Variants in SLC1A1 observed in about 807,000 individuals in gnomAD.
SLC1A1 encodes the protein excitatory amino acid transporter 3.
SLC1A1 carries 43 observed loss-of-function variants against 53.3 expected under a neutral mutation model. The ratio of observed to expected loss-of-function variants is 0.81; its 90% CI spans 0.63 to 1.04. SLC1A1 has a LOEUF of 1.04. Among genes scored for constraint, SLC1A1 ranks in the 50% least tolerant of loss-of-function variants. The pLI is 0.00. For synonymous variants in SLC1A1, 307 were observed against 243.2 expected (o/e 1.26, Z -2.44); for missense variants, 748 against 664.9 (o/e 1.12, Z -1.37).
At chr9:4,525,129 G>A (rs1816213970) in intron 1 of SLC1A1, among the ~76,000 whole-genome samples, 2 of 152,116 alleles carry the variant, frequency 1.3e-5, no homozygotes, top group Non-Finnish European at 2.9e-5. Flanking sequence ...GAGTCTAAAC[G>A]AAACCTTGAC....
rs762959702 is a variant in SLC1A1 at position 4,561,471 on chromosome 9, C to T, written c.255C>T (p.Asn85=). ...CAGGTGTTGCTGCACTGGATTCCAA[C>T]GTATCCGGAAAAATTGGTCTGCGCG... is the stretch of plus-strand genomic sequence containing the variant. ...MITGVAALDS[N]VSGKIGLRAV... The change falls in exon 3 of 12, where the codon AAC becomes AAT. Residue 85 remains asparagine (N), a synonymous_variant. Transcript: ENST00000262352. 8.1e-6 allele frequency: 13 copies of T among 1,607,816 alleles called. No individual in the cohort carries two copies. Among genetic ancestry groups the T allele is most frequent in the East Asian group, 2.2e-5 (1 of 44,858 alleles).
At position 4,586,340 on chromosome 9, in the gene SLC1A1, C is replaced by T. The variant is rs1168263364; in HGVS notation, c.*782C>T. The stretch of plus-strand genomic sequence containing the variant: ...TTGAATAATAACCACGATTCCAACC[C>T]AGGTCTGCTTTGGGGCTTATCAGAA... On this transcript the variant is annotated 3_prime_UTR_variant, in exon 12 of 12. Transcript: ENST00000262352. The T allele has an allele frequency of 1.3e-5, 2 of 152,028 alleles. No individual in the cohort carries two copies. Among genetic ancestry groups the T allele is most frequent in the Non-Finnish European group, 2.9e-5 (2 of 68,016 alleles). 9.4% of individuals were successfully genotyped at this position (152,028 alleles called of 1,614,324 possible). A position where few individuals can be genotyped will look rare whatever the true frequency, so the allele number is the denominator to read the frequency against.
chr9:4,534,729 C>T (rs901340081), intron 1 of SLC1A1, among the ~76,000 whole-genome samples: 3 of 151,906 alleles, frequency 2.0e-5, no homozygotes, highest in Non-Finnish European at 4.4e-5. Flanking sequence ...CATCCTGCTA[C>T]CAAAGCCTGG....
At chr9:4,505,873 G>C (rs938026900) in intron 1 of SLC1A1, among the ~76,000 whole-genome samples, 6 of 152,154 alleles carry the variant, frequency 3.9e-5, no homozygotes, top group African/African-American at 1.4e-4. Context: ...ACCCAGAATG[G>C]AGTGCAGTGG....
In SLC1A1 at chr9:4,576,086, G is replaced by A. The variant is rs375360666; in HGVS notation, c.961G>A (p.Ala321Thr). 7.7e-5 allele frequency: 125 copies of A among 1,613,730 alleles called. No homozygotes were observed. The Middle Eastern group carries it at 9.9e-4, about 13-fold the overall frequency. Residue 321 changes from alanine (A) to threonine (T), a missense_variant, in exon 9 of 12, where the codon GCC becomes ACC. Transcript: ENST00000262352. The stretch of plus-strand genomic sequence containing the variant: ...CCCTTTCCGATTTGCCATGGGAATG[G>A]CCCAGGCTCTCCTGACAGCTCTCAT... Reference protein sequence around the residue: ...KNPFRFAMGMAQALLTALMIS... With the variant: ...KNPFRFAMGMTQALLTALMIS...
At chr9:4,510,021 A>G (rs1471790412) in intron 1 of SLC1A1, among the ~76,000 whole-genome samples, 10 of 152,086 alleles carry the variant, frequency 6.6e-5, no homozygotes, top group Admixed American at 1.3e-4. Flanking sequence ...TTTAGTAGAA[A>G]TGGGGTTTTG....
At chr9:4,571,112 T>C (rs1819993747) in intron 6 of SLC1A1, among the ~76,000 whole-genome samples, 1 of 152,150 alleles carries the variant, frequency 6.6e-6, no homozygotes, top group Non-Finnish European at 1.5e-5. Flanking sequence ...GCCATTATCC[T>C]TAGCCAACTA....
intron 2 of SLC1A1, among the ~76,000 whole-genome samples, chr9:4,550,853 G>A (rs1817871654): frequency 6.6e-6 from 1 of 152,180 alleles, no homozygotes; most frequent in Non-Finnish European, 1.5e-5. Flanking sequence ...AGGTTTTACA[G>A]GTCCTGTGTA....
intron 1 of SLC1A1, among the ~76,000 whole-genome samples, chr9:4,537,814 G>T (rs1041945942): frequency 6.6e-6 from 1 of 151,968 alleles, no homozygotes; most frequent in African/African-American, 2.4e-5. Context: ...GGAATTTTGG[G>T]GGGGTAATGG....
rs1817741632 is a variant in SLC1A1, at chr9:4,549,341, C to G, written c.232+4634C>G. 6.6e-6 allele frequency among the ~76,000 whole-genome samples: 1 copy of G among 152,114 alleles called. No homozygotes were observed. The highest frequency in any genetic ancestry group is 2.4e-5 in the African/African-American group (1 of 41,440). ...GTGACCTAAGGAGTTCCGCTCTTTG[C>G]TCCTCCATCCTAAGACAGGAGCAGA... is the stretch of plus-strand genomic sequence containing the variant. On this transcript the variant is annotated intron_variant, in intron 2 of 11. Transcript: ENST00000262352. The surrounding 1 kb of genome is among the most constrained non-coding windows in gnomAD (Gnocchi z 4.1).
At chr9:4,545,138 T>TC (rs577157508) in intron 2 of SLC1A1, among the ~76,000 whole-genome samples, 1 of 151,948 alleles carries the variant, frequency 6.6e-6, no homozygotes, top group Admixed American at 6.6e-5. Flanking sequence ...TAAAAAGCTT[T>TC]CACCTAAGTT....
At chr9:4,498,927 T>C (rs112994496) in intron 1 of SLC1A1, among the ~76,000 whole-genome samples, 3 of 147,058 alleles carry the variant, frequency 2.0e-5, no homozygotes, top group Non-Finnish European at 4.5e-5. Context: ...CATATACATA[T>C]GTATGTATTA....
intron 1 of SLC1A1, among the ~76,000 whole-genome samples, chr9:4,499,221 T>G (rs1820552546): frequency 6.6e-6 from 1 of 151,632 alleles, no homozygotes. Flanking sequence ...ATTTTTGTAT[T>G]TTTAGTAGAG....
At chr9:4,496,275 C>G (rs774597007) in intron 1 of SLC1A1, among the ~76,000 whole-genome samples, 1 of 152,024 alleles carries the variant, frequency 6.6e-6, no homozygotes, top group Non-Finnish European at 1.5e-5. Flanking sequence ...AGTTCAACAG[C>G]GTTGGGGATA....
At chr9:4,570,182 CAT>C (rs1819893581) in intron 6 of SLC1A1, among the ~76,000 whole-genome samples, 1 of 152,156 alleles carries the variant, frequency 6.6e-6, no homozygotes, top group Admixed American at 6.5e-5. Flanking sequence ...GCTTGTATCT[CAT>C]AGTTTGGGCG....
chr9:4,543,186 G>C (rs1386847658), intron 1 of SLC1A1, among the ~76,000 whole-genome samples: 2 of 152,152 alleles, frequency 1.3e-5, no homozygotes, highest in South Asian at 4.1e-4. Flanking sequence ...CATTGCCCTA[G>C]AGTTTTTAAT....
chr9:4,547,217 G>A (rs1281531080), intron 2 of SLC1A1, among the ~76,000 whole-genome samples: 2 of 152,188 alleles, frequency 1.3e-5, no homozygotes, highest in African/African-American at 4.8e-5. Flanking sequence ...TTGCAGTCTG[G>A]ATGTTTTGTG....
At chr9:4,532,128 A>C (rs1009408140) in intron 1 of SLC1A1, among the ~76,000 whole-genome samples, 3 of 152,190 alleles carry the variant, frequency 2.0e-5, no homozygotes, top group Non-Finnish European at 4.4e-5. Flanking sequence ...GAAAAACTGG[A>C]AACTCTAAAA....
At chr9:4,530,330 A>G (rs1398860563) in intron 1 of SLC1A1, among the ~76,000 whole-genome samples, 1 of 152,148 alleles carries the variant, frequency 6.6e-6, no homozygotes, top group Non-Finnish European at 1.5e-5. Context: ...AAAGCACTGA[A>G]AGCACAACTA....
Sources: gnomAD v4.1 joint callset for allele counts (sites outside exome capture counted in the v4.1 genomes callset) on GRCh38, gnomAD v4.1.1 for gene constraint, Gnocchi (gnomAD v3.1) non-coding constraint, MANE v1.5 for transcripts, NCBI Gene and HGNC (gene_info 2026-07-23, HGNC 2026-07-21) for gene names.